Variants in MAD1L1 observed in about 807,000 individuals in gnomAD.
MAD1L1 encodes mitotic arrest deficient 1 like 1.
A neutral mutation model predicts 96.9 loss-of-function variants in MAD1L1; 95 were observed. The ratio of observed to expected loss-of-function variants is 0.98; its 90% CI spans 0.83 to 1.16. MAD1L1 has a LOEUF of 1.16. Among genes scored for constraint, MAD1L1 ranks in the 50% most tolerant of loss-of-function variants. The probability of loss-of-function intolerance (pLI) is 0.00; values close to 1 mark genes in which losing one functional copy is unlikely to be tolerated. For synonymous variants in MAD1L1, 473 were observed against 396.6 expected, an observed-to-expected ratio of 1.19 and a Z score of -2.29; for missense variants, 1,007 against 954.4, an observed-to-expected ratio of 1.06 and a Z score of -0.73.
intron 13 of MAD1L1, among the ~76,000 whole-genome samples, chr7:2,007,483 A>G (rs1366816325): frequency 6.8e-6 from 1 of 146,886 alleles, no homozygotes; most frequent in Non-Finnish European, 1.5e-5. Context: ...GGAGTTTGAG[A>G]CCAGCCTGGC....
chr7:1,831,986 C>A (rs1782725325), intron 18 of MAD1L1, among the ~76,000 whole-genome samples: 1 of 152,196 alleles, frequency 6.6e-6, no homozygotes, highest in Non-Finnish European at 1.5e-5. Flanking sequence ...CATCCTGTGG[C>A]CCCTAGATCA....
At chr7:2,076,199 C>T (rs531921352) in intron 11 of MAD1L1, among the ~76,000 whole-genome samples, 1 of 152,252 alleles carries the variant, frequency 6.6e-6, no homozygotes, top group African/African-American at 2.4e-5. Flanking sequence ...AAAACCAGCA[C>T]GTTTTGGGCA....
intron 16 of MAD1L1, among the ~76,000 whole-genome samples, chr7:1,951,719 C>G (rs1023917605): frequency 2.0e-5 from 3 of 152,088 alleles, no homozygotes; most frequent in Non-Finnish European, 1.5e-5. Context: ...CCGGTTTCAC[C>G]CAGCTCAGCG....
At chr7:1,838,764 T>C (rs148452641) in intron 18 of MAD1L1, 6 of 471,212 alleles carry the variant, frequency 1.3e-5, no homozygotes, top group South Asian at 9.3e-5. Flanking sequence ...GCTCTGTAGA[T>C]GACATCTCAA....
chr7:2,206,513 G>C (rs1359997145), intron 10 of MAD1L1, among the ~76,000 whole-genome samples: 2 of 152,166 alleles, frequency 1.3e-5, no homozygotes, highest in African/African-American at 2.4e-5. Flanking sequence ...TCACCACGAA[G>C]AGCCTACTGG....
At chr7:2,063,333 G>C (rs950423568) in intron 12 of MAD1L1, among the ~76,000 whole-genome samples, 1 of 152,242 alleles carries the variant, frequency 6.6e-6, no homozygotes, top group African/African-American at 2.4e-5. Context: ...ACTCCAGGCT[G>C]TGCCGGATCC....
At position 1,968,816 on chromosome 7, in the gene MAD1L1, C is replaced by A. The variant is rs1780283875; in HGVS notation, c.1506-11097G>T. On this transcript the variant is annotated intron_variant, in intron 15 of 18. Coordinates refer to ENST00000265854, the MANE Select transcript of MAD1L1 (RefSeq NM_001013836.2). The surrounding 1 kb of genome is among the most constrained non-coding windows in gnomAD (Gnocchi z 5.6). ...CTAAACATACTGAGGTCAGGAGAAG[C>A]GAGGAAAGACAAAACTGTCACCGAC... 6.6e-6 allele frequency among the ~76,000 whole-genome samples: 1 copy of A among 152,168 alleles called. No homozygotes were observed. The highest frequency in any genetic ancestry group is 2.4e-5 in the African/African-American group (1 of 41,426).
intron 18 of MAD1L1, among the ~76,000 whole-genome samples, chr7:1,832,410 C>T (rs1407267124): frequency 1.3e-5 from 2 of 151,250 alleles, no homozygotes; most frequent in African/African-American, 2.4e-5. Flanking sequence ...GGAATCTGCT[C>T]CTGGTGAAAA....
At position 2,088,076 on chromosome 7, in the gene MAD1L1, G is replaced by T; in HGVS notation, c.1074-18738C>A. On this transcript the variant is annotated intron_variant, in intron 11 of 18. Transcript: ENST00000265854. The surrounding 1 kb of genome is among the most constrained non-coding windows in gnomAD (Gnocchi z 4.4). Reference sequence around the variant, plus strand: ...TTAGAGAAGAAGAAGACTGGGACTCGGACCACACTGACTTCTCCCCTTTAA... The same window carrying T: ...TTAGAGAAGAAGAAGACTGGGACTCTGACCACACTGACTTCTCCCCTTTAA... 6.6e-6 allele frequency among the ~76,000 whole-genome samples: 1 copy of T among 152,212 alleles called. No homozygotes were observed. Among genetic ancestry groups the T allele is most frequent in the Middle Eastern group, 3.4e-3 (1 of 294 alleles).
chr7:1,906,707 C>T (rs1377540888), intron 17 of MAD1L1, among the ~76,000 whole-genome samples: 4 of 152,240 alleles, frequency 2.6e-5, no homozygotes, highest in African/African-American at 7.2e-5. Context: ...GTCACACCTG[C>T]CCTGCACCTG....
At chr7:2,187,906 AT>A (rs1791536285) in intron 10 of MAD1L1, among the ~76,000 whole-genome samples, 1 of 152,236 alleles carries the variant, frequency 6.6e-6, no homozygotes, top group African/African-American at 2.4e-5. Context: ...AACCACGAGT[AT>A]TTGTTGACAA....
At chr7:2,185,210 TC>T (rs10714009) in intron 10 of MAD1L1, among the ~76,000 whole-genome samples, 98,630 of 150,336 alleles carry the variant, frequency 0.66, 33,546 homozygotes, top group African/African-American at 0.85. Context: ...CTCTCTTGCC[TC>T]CCCCCTAGTC....
intron 12 of MAD1L1, among the ~76,000 whole-genome samples, chr7:2,061,485 G>C (rs936885068): frequency 6.6e-6 from 1 of 152,244 alleles, no homozygotes; most frequent in Non-Finnish European, 1.5e-5. Flanking sequence ...CAAGCCTCAG[G>C]AAAGTAAGAA....
At chr7:2,102,035 A>C (rs6944886) in intron 11 of MAD1L1, among the ~76,000 whole-genome samples, 2 of 151,738 alleles carry the variant, frequency 1.3e-5, no homozygotes, top group African/African-American at 4.8e-5. Flanking sequence ...CTGACTCAGG[A>C]CTGAGTCTCC....
chr7:1,953,907 G>T (rs1347693045), intron 16 of MAD1L1, among the ~76,000 whole-genome samples: 2 of 152,232 alleles, frequency 1.3e-5, no homozygotes, highest in South Asian at 4.1e-4. Context: ...TCCTGGGTGG[G>T]ACTGTCAGGT....
At chr7:1,825,980 G>A (rs896152926) in intron 18 of MAD1L1, among the ~76,000 whole-genome samples, 10 of 152,242 alleles carry the variant, frequency 6.6e-5, no homozygotes, top group Middle Eastern at 3.4e-3. Flanking sequence ...GGAGGTCGGC[G>A]CGGCCCCAGC....
intron 16 of MAD1L1, among the ~76,000 whole-genome samples, chr7:1,950,823 C>T (rs573240836): frequency 2.0e-5 from 3 of 152,340 alleles, no homozygotes; most frequent in South Asian, 2.1e-4. Context: ...GTGAGCACCG[C>T]GGTGGGTCCT....
At chr7:2,083,534 C>A (rs539230075) in intron 11 of MAD1L1, among the ~76,000 whole-genome samples, 2 of 152,320 alleles carry the variant, frequency 1.3e-5, no homozygotes, top group South Asian at 4.2e-4. Flanking sequence ...GGTAAATCAG[C>A]GGAGAGGCCT....
At chr7:2,155,841 T>C (rs1169844219) in intron 10 of MAD1L1, among the ~76,000 whole-genome samples, 2 of 152,198 alleles carry the variant, frequency 1.3e-5, no homozygotes, top group East Asian at 1.9e-4. Context: ...TGACAGAGCA[T>C]CCCCTTTTCG....
Sources: gnomAD v4.1 joint callset for allele counts (sites outside exome capture counted in the v4.1 genomes callset) on GRCh38, gnomAD v4.1.1 for gene constraint, Gnocchi (gnomAD v3.1) non-coding constraint, MANE v1.5 for transcripts, NCBI Gene and HGNC (gene_info 2026-07-23, HGNC 2026-07-21) for gene names.